Variants in NDRG2 observed in about 807,000 individuals in gnomAD.
NDRG2 encodes the protein protein NDRG2.
NDRG2 carries 34 observed loss-of-function variants against 58.2 expected under a neutral mutation model. That is an observed-to-expected ratio of 0.58 (90% CI 0.44 to 0.78). The LOEUF is 0.78. NDRG2 is among the 30% of genes least tolerant of loss of function. NDRG2 has a pLI of 0.00. For missense variants in NDRG2, 434 were observed against 471.2 expected (o/e 0.92, Z 0.73); for synonymous variants, 187 against 175.9 (o/e 1.06, Z -0.50).
chr14:21,022,376 G>T lies in NDRG2; in HGVS notation c.223+16C>A. ...CTCTTCCCAGACAGGAGTGGGAGATGAATGAAGGTCCTTACAGTTGAGTCC... is the reference window on the plus strand; with the variant it reads ...CTCTTCCCAGACAGGAGTGGGAGATTAATGAAGGTCCTTACAGTTGAGTCC... On this transcript the variant is annotated intron_variant, in intron 4 of 15. Coordinates refer to ENST00000556147, the MANE Select transcript of NDRG2 (RefSeq NM_001320329.2). 6.2e-7 allele frequency: 1 copy of T among 1,605,708 alleles called. No individual in the cohort carries two copies. Among genetic ancestry groups the T allele is most frequent in the Non-Finnish European group, 8.5e-7 (1 of 1,172,484 alleles).
intron 1 of NDRG2, among the ~76,000 whole-genome samples, chr14:21,064,866 A>G (rs928935286): frequency 1.3e-5 from 2 of 152,132 alleles, no homozygotes; most frequent in African/African-American, 4.8e-5. Flanking sequence ...GATGGTCCAC[A>G]TCTGTCTTAA....
At chr14:21,060,183 G>C (rs999835623) in intron 1 of NDRG2, among the ~76,000 whole-genome samples, 3 of 152,212 alleles carry the variant, frequency 2.0e-5, no homozygotes, top group African/African-American at 7.2e-5. Flanking sequence ...GAAACGTGAA[G>C]TGGCAGAGAA....
Position 21,024,275 on chromosome 14 carries a change from G to C in NDRG2, c.-252C>G. The C allele has an allele frequency of 4.1e-6, 4 of 985,400 alleles. No homozygotes were observed. The highest frequency in any genetic ancestry group is 4.8e-6 in the Non-Finnish European group (4 of 830,012). 61.0% of individuals were successfully genotyped at this position (985,400 alleles called of 1,614,324 possible). On this transcript the variant is annotated 5_prime_UTR_variant, in exon 1 of 16. Coordinates refer to ENST00000556147, the MANE Select transcript of NDRG2 (RefSeq NM_001320329.2). ...AACACGTCCTCTCTAGGCTCGAGCC[G>C]GAATCAATATAGGCTACAAGGGCAT...
At chr14:21,031,934 A>G in intron 1 of NDRG2, 1 of 1,614,202 alleles carries the variant, frequency 6.2e-7, no homozygotes, top group Non-Finnish European at 8.5e-7. Context: ...GACAGACACC[A>G]GCAAGTACAC....
chr14:21,065,998 C>T (rs1886242656), intron 1 of NDRG2, among the ~76,000 whole-genome samples: 2 of 152,184 alleles, frequency 1.3e-5, no homozygotes, highest in South Asian at 4.1e-4. Context: ...ACTTGGGAAG[C>T]TGAGGCACCA....
At chr14:21,023,418 A>G (rs757766918) in intron 1 of NDRG2, 97 bp from the exon 2 acceptor site, 1 of 1,124,474 alleles carries the variant, frequency 8.9e-7, no homozygotes, top group Non-Finnish European at 1.3e-6. Context: ...AGATGCAGGG[A>G]ACAGAGGGAC....
chr14:21,039,602 A>G (rs1884800595), intron 1 of NDRG2, among the ~76,000 whole-genome samples: 1 of 152,200 alleles, frequency 6.6e-6, no homozygotes, highest in Non-Finnish European at 1.5e-5. Context: ...ACCAAGTACA[A>G]GGTGAAGCAG....
Position 21,043,193 on chromosome 14 carries a change from C to T in NDRG2, c.25-19872G>A, listed in dbSNP as rs1215222755. 8 of 1,614,166 alleles carry T rather than the reference C, an allele frequency of 5.0e-6. No homozygotes were observed. In the East Asian group the frequency reaches 8.9e-5, roughly 18 times the overall value. ...ACAAGCACACAAAACGGTGCAAAGA[C>T]CTCAACACCTTCCTGCACGAGCCTT... On this transcript the variant is annotated intron_variant, in intron 1 of 14. Transcript: ENST00000403829.
chr14:21,028,609 A>C (rs1161023957), upstream of NDRG2: 2 of 152,128 alleles, frequency 1.3e-5, no homozygotes, highest in Non-Finnish European at 2.9e-5. Context: ...AAAAAGATTT[A>C]GCAATGAGAA....
intron 1 of NDRG2, among the ~76,000 whole-genome samples, chr14:21,040,602 C>T (rs945798848): frequency 2.0e-5 from 3 of 152,186 alleles, no homozygotes; most frequent in African/African-American, 7.2e-5. Flanking sequence ...TCAAATGGTC[C>T]GTAAGTCTTC....
intron 2 of NDRG2, 28 bp from the exon 3 acceptor site, chr14:21,022,933 G>T: frequency 1.9e-6 from 3 of 1,613,754 alleles, no homozygotes; most frequent in Non-Finnish European, 2.5e-6. Flanking sequence ...GATTCACACA[G>T]AAACACATGA....
Position 21,024,680 on chromosome 14 carries a change from C to A in NDRG2, c.-657G>T. On this transcript the variant is annotated 5_prime_UTR_variant, in exon 1 of 16. Transcript: ENST00000556147. ...TCTCCCGTTCTCCCCCGACGGCCCG[C>A]GAAGGCAAGCGCCATCGGGAAGGGA... is the stretch of plus-strand genomic sequence containing the variant. 4 of 985,414 alleles carry A rather than the reference C, an allele frequency of 4.1e-6. No homozygotes were observed. Among genetic ancestry groups the A allele is most frequent in the Non-Finnish European group, 4.8e-6 (4 of 829,968 alleles). 61.0% of individuals were successfully genotyped at this position (985,414 alleles called of 1,614,324 possible).
intron 3 of NDRG2, 178 bp from the exon 4 acceptor site, chr14:21,022,675 A>G: frequency 1.5e-6 from 1 of 669,212 alleles, no homozygotes; most frequent in Non-Finnish European, 2.6e-6. Context: ...TTTGAGGATA[A>G]GAAAGAATAA....
At chr14:21,049,443 C>A (rs1041658951) in intron 1 of NDRG2, among the ~76,000 whole-genome samples, 1 of 152,152 alleles carries the variant, frequency 6.6e-6, no homozygotes, top group Non-Finnish European at 1.5e-5. Context: ...AAAACATAAA[C>A]TAACTGTGGT....
intron 1 of NDRG2, among the ~76,000 whole-genome samples, chr14:21,049,134 A>G (rs1885347618): frequency 6.7e-6 from 1 of 150,252 alleles, no homozygotes; most frequent in Admixed American, 6.6e-5. Context: ...TCCCATCCAA[A>G]GGATTTGATT....
intron 6 of NDRG2, 59 bp from the exon 7 acceptor site, chr14:21,020,903 C>A: frequency 6.4e-7 from 1 of 1,566,346 alleles, no homozygotes. Flanking sequence ...CCTGCCACAG[C>A]CCATCTCTTC....
At chr14:21,050,587 C>T (rs1885417919) in intron 1 of NDRG2, among the ~76,000 whole-genome samples, 1 of 152,234 alleles carries the variant, frequency 6.6e-6, no homozygotes, top group Non-Finnish European at 1.5e-5. Flanking sequence ...GGAAGATGAA[C>T]TAAAACACCT....
At chr14:21,020,930 C>A in intron 6 of NDRG2, 86 bp from the exon 7 acceptor site, 1 of 1,408,704 alleles carries the variant, frequency 7.1e-7, no homozygotes, top group Non-Finnish European at 1.0e-6. Flanking sequence ...TTCACCCTCC[C>A]TCCTGAGTCC....
rs201868134 is a variant in NDRG2 at position 21,022,921 on chromosome 14, C to T, written c.76-16G>A. ...ACTCAGCCTCCTGGAGAGACACACACGGATTCACACAGAAACACATGACCA... is the reference window on the plus strand; with the variant it reads ...ACTCAGCCTCCTGGAGAGACACACATGGATTCACACAGAAACACATGACCA... On this transcript the variant is annotated splice_polypyrimidine_tract_variant and intron_variant, in intron 2 of 15. Transcript: ENST00000556147. The T allele has an allele frequency of 4.0e-5, 65 of 1,613,906 alleles. No homozygotes were observed. The East Asian group carries it at 1.1e-3, about 27-fold the overall frequency.
Sources: allele counts gnomAD v4.1 joint callset (sites outside exome capture counted in the v4.1 genomes callset), GRCh38; gene constraint gnomAD v4.1.1; transcripts MANE v1.5; gene names NCBI Gene and HGNC (gene_info 2026-07-23, HGNC 2026-07-21).